Variants in GLIPR2 observed in about 807,000 individuals in gnomAD.
The protein encoded by GLIPR2 is Golgi-associated plant pathogenesis-related protein 1.
A neutral mutation model predicts 20.4 loss-of-function variants in GLIPR2; 21 were observed. The ratio of observed to expected loss-of-function variants is 1.03; its 90% confidence interval spans 0.73 to 1.48. The LOEUF (loss-of-function observed/expected upper bound fraction) is 1.48. Ranked by LOEUF, GLIPR2 falls within the 40% of genes most tolerant of loss-of-function variation. GLIPR2 has a pLI of 0.00. For missense variants in GLIPR2, 205 were observed against 200.1 expected, an observed-to-expected ratio of 1.02 and a Z score of -0.15; for synonymous variants, 91 against 80.5, an observed-to-expected ratio of 1.13 and a Z score of -0.70.
Position 36,162,774 on chromosome 9 carries a change from G to GA in GLIPR2, c.*253dup, listed in dbSNP as rs2132804135. 1 of 560,248 alleles carries GA rather than the reference G, an allele frequency of 1.8e-6. No homozygotes were observed. Among genetic ancestry groups the GA allele is most frequent in the Non-Finnish European group, 3.2e-6 (1 of 314,302 alleles). The allele number at this position is 560,248 out of a possible 1,614,324, so 34.7% of individuals were successfully genotyped here. A position where few individuals can be genotyped will look rare whatever the true frequency, so the allele number is the denominator to read the frequency against. ...GATTATTTGGATTGGGGGGAGGGGG[G>GA]ATCCGTTTTTTTTTTTTAATTTTTT... is the stretch of plus-strand genomic sequence containing the variant. On this transcript the variant is annotated 3_prime_UTR_variant, in exon 5 of 5. Transcript: ENST00000377960.
chr9:36,148,111 G>A (rs1402921924), intron 2 of GLIPR2, among the ~76,000 whole-genome samples: 1 of 152,200 alleles, frequency 6.6e-6, no homozygotes, highest in Non-Finnish European at 1.5e-5. Flanking sequence ...AGCCATGTGT[G>A]GTGGCATGGG....
intron 4 of GLIPR2, among the ~76,000 whole-genome samples, chr9:36,156,434 T>C (rs899546106): frequency 7.3e-6 from 1 of 137,904 alleles, no homozygotes; most frequent in African/African-American, 2.6e-5. Flanking sequence ...AAAGCACATA[T>C]AACTGAAAAT....
chr9:36,156,124 C>T (rs1232259400), intron 4 of GLIPR2, among the ~76,000 whole-genome samples: 1 of 152,148 alleles, frequency 6.6e-6, no homozygotes, highest in Non-Finnish European at 1.5e-5. Context: ...GCACAACAAT[C>T]GCTTGAATCT....
intron 1 of GLIPR2, among the ~76,000 whole-genome samples, chr9:36,142,653 T>A (rs1825140170): frequency 6.6e-6 from 1 of 152,108 alleles, no homozygotes; most frequent in African/African-American, 2.4e-5. Flanking sequence ...CATCGTAGGG[T>A]GGCTGGGAGG....
chr9:36,158,001 C>T (rs189112601), intron 4 of GLIPR2, among the ~76,000 whole-genome samples: 121 of 152,072 alleles, frequency 8.0e-4, no homozygotes, highest in Admixed American at 1.5e-3. Flanking sequence ...TTAGTAGAGA[C>T]GGGGTTTCAT....
At position 36,136,852 on chromosome 9, in the gene GLIPR2, C is replaced by A; in HGVS notation, c.13+61C>A. The A allele has an allele frequency of 7.9e-7, 1 of 1,258,420 alleles. No homozygotes were observed. The highest frequency in any genetic ancestry group is 3.2e-5 in the East Asian group (1 of 31,648). The allele number at this position is 1,258,420 out of a possible 1,614,324, so 78.0% of individuals were successfully genotyped here. ...GGAACCCCGCGCTCCCGGACCTCGC[C>A]GTCTCCCTCGTCCGCCGCAAGCCAG... On this transcript the variant is annotated intron_variant, in intron 1 of 4. Coordinates refer to ENST00000377960, the MANE Select transcript of GLIPR2 (RefSeq NM_022343.4). This position sits in a 1 kb window ranked among gnomAD's most constrained non-coding sequence, Gnocchi z 4.3.
chr9:36,156,385 T>TAAAAAAAAAA, intron 4 of GLIPR2, among the ~76,000 whole-genome samples: 1 of 77,722 alleles, frequency 1.3e-5, no homozygotes, highest in Non-Finnish European at 2.4e-5. Flanking sequence ...AAGCCATGTC[T>TAAAAAAAAAA]AAAAAAAAAA....
At chr9:36,140,286 T>C (rs967241955) in intron 1 of GLIPR2, among the ~76,000 whole-genome samples, 9 of 152,176 alleles carry the variant, frequency 5.9e-5, no homozygotes, top group Non-Finnish European at 1.3e-4. Flanking sequence ...CAGAGAGGCC[T>C]TTAGGGACCA....
chr9:36,139,139 G>A (rs1033978499), intron 1 of GLIPR2, among the ~76,000 whole-genome samples: 4 of 152,136 alleles, frequency 2.6e-5, no homozygotes, highest in Admixed American at 1.3e-4. Flanking sequence ...ACAACTTATT[G>A]TGAAGCAGAG....
chr9:36,139,220 A>T (rs1021257046), intron 1 of GLIPR2, among the ~76,000 whole-genome samples: 3 of 152,112 alleles, frequency 2.0e-5, no homozygotes, highest in African/African-American at 7.2e-5. Flanking sequence ...GGCAGGTTTC[A>T]GAGGAAGATT....
chr9:36,136,731 G>A (rs1352251595), upstream of GLIPR2: 2 of 1,219,694 alleles, frequency 1.6e-6, no homozygotes, highest in African/African-American at 3.2e-5. The surrounding 1 kb of genome is among the most constrained non-coding windows in gnomAD (Gnocchi z 4.3). Context: ...GGCCGGGCGA[G>A]CGCAGTGCAG....
chr9:36,142,468 C>A (rs183662756), intron 1 of GLIPR2, among the ~76,000 whole-genome samples: 28 of 152,246 alleles, frequency 1.8e-4, no homozygotes, highest in African/African-American at 6.7e-4. Flanking sequence ...CAGAAGATGG[C>A]GAGAAATAAG....
At position 36,147,868 on chromosome 9, in the gene GLIPR2, C is replaced by T. The variant is rs1554645500; in HGVS notation, c.96C>T (p.Cys32=). 1.3e-6 allele frequency: 2 copies of T among 1,574,218 alleles called. No individual in the cohort carries two copies. Among genetic ancestry groups the T allele is most frequent in the South Asian group, 1.1e-5 (1 of 90,292 alleles). ...ACGGCGTCCCCCCACTGAAGCTCTGCAAGAACCTCAACCGGGAGGCTCAAC... is the reference window on the plus strand; with the variant it reads ...ACGGCGTCCCCCCACTGAAGCTCTGTAAGAACCTCAACCGGGAGGCTCAAC... ...QKHGVPPLKL[C]KNLNREAQQY... Residue 32 remains cysteine (C), a synonymous_variant, in exon 2 of 5, where the codon TGC becomes TGT. Transcript: ENST00000377960.
Position 36,162,697 on chromosome 9 carries a change from T to TA in GLIPR2, c.*176dup. On this transcript the variant is annotated 3_prime_UTR_variant, in exon 5 of 5. Coordinates refer to ENST00000377960, the MANE Select transcript of GLIPR2 (RefSeq NM_022343.4). ...ATACAGTTCTGTGTGCGCTCATTCTTATTACAGGAGTGAGCAAAGGAAGCA... is the reference window on the plus strand; with the variant it reads ...ATACAGTTCTGTGTGCGCTCATTCTTAATTACAGGAGTGAGCAAAGGAAGCA... 1 of 669,944 alleles carries TA rather than the reference T, an allele frequency of 1.5e-6. No individual in the cohort carries two copies. The highest frequency in any genetic ancestry group is 1.7e-5 in the South Asian group (1 of 58,258). The allele number at this position is 669,944 out of a possible 1,614,324, so 41.5% of individuals were successfully genotyped here.
chr9:36,160,319 G>A (rs1287035041), intron 4 of GLIPR2, among the ~76,000 whole-genome samples: 3 of 152,216 alleles, frequency 2.0e-5, no homozygotes, highest in South Asian at 2.1e-4. Flanking sequence ...CACGGCGCCC[G>A]GCCTTACAAA....
At chr9:36,141,497 G>A (rs1402873942) in intron 1 of GLIPR2, among the ~76,000 whole-genome samples, 4 of 152,140 alleles carry the variant, frequency 2.6e-5, no homozygotes, top group Non-Finnish European at 5.9e-5. Flanking sequence ...CCTGGGCCCT[G>A]ACAGTCACTG....
intron 1 of GLIPR2, among the ~76,000 whole-genome samples, chr9:36,139,900 G>C (rs1344525348): frequency 6.6e-6 from 1 of 152,188 alleles, no homozygotes; most frequent in African/African-American, 2.4e-5. Context: ...CTCAGTGGAA[G>C]CCTCCTGTCC....
chr9:36,151,644 C>T (rs1825592025), intron 4 of GLIPR2, among the ~76,000 whole-genome samples: 2 of 152,096 alleles, frequency 1.3e-5, no homozygotes, highest in Admixed American at 1.3e-4. Flanking sequence ...TCCTGAGAGC[C>T]GGTGACTCAA....
At position 36,147,863 on chromosome 9, in the gene GLIPR2, C is replaced by T. The variant is rs148977682; in HGVS notation, c.91C>T (p.Leu31Phe). ...RQKHGVPPLK[L>F]CKNLNREAQQ... is the part of the protein sequence containing the mutation. The stretch of plus-strand genomic sequence containing the variant: ...GAAGCACGGCGTCCCCCCACTGAAG[C>T]TCTGCAAGAACCTCAACCGGGAGGC... Residue 31 changes from leucine (L) to phenylalanine (F), a missense_variant, in exon 2 of 5, where the codon CTC becomes TTC. Physicochemically the swap from Leu to Phe is conservative, Grantham distance 22. Transcript: ENST00000377960. The T allele has an allele frequency of 2.5e-6, 4 of 1,585,036 alleles. No individual in the cohort carries two copies. The highest frequency in any genetic ancestry group is 2.6e-6 in the Non-Finnish European group (3 of 1,153,406).
Sources: allele counts gnomAD v4.1 joint callset (sites outside exome capture counted in the v4.1 genomes callset), GRCh38; gene constraint gnomAD v4.1.1; non-coding constraint Gnocchi (gnomAD v3.1); transcripts MANE v1.5; gene names NCBI Gene and HGNC (gene_info 2026-07-23, HGNC 2026-07-21).